The following XNDC1N variants were observed in gnomAD, a reference collection of about 807,000 sequenced individuals.
The protein encoded by XNDC1N is protein XNDC1N.
At chr11:71,899,870 C>A in the XNDC1N span, among the ~76,000 whole-genome samples, 675 of 147,300 alleles carry the variant, frequency 4.6e-3, no homozygotes, top group African/African-American at 0.015. Flanking sequence ...GAGGAAGGCC[C>A]CTGTCTCCTG....
chr11:71,890,401 G>C, the XNDC1N span, among the ~76,000 whole-genome samples: 1 of 152,050 alleles, frequency 6.6e-6, no homozygotes, highest in Admixed American at 6.5e-5. Flanking sequence ...CTGAGATATT[G>C]GGAGTGATAT....
chr11:71,913,983 A>T, the XNDC1N span, among the ~76,000 whole-genome samples: 1 of 152,238 alleles, frequency 6.6e-6, no homozygotes, highest in Non-Finnish European at 1.5e-5. Flanking sequence ...CTCAGAAAGA[A>T]AGATTCCTTT....
the XNDC1N span, chr11:71,918,861 G>C: frequency 1.4e-6 from 1 of 701,412 alleles, no homozygotes; most frequent in Admixed American, 2.0e-5. Flanking sequence ...CTTCCTCAAG[G>C]TTCCTAGGCC....
At chr11:71,878,297 TC>T in the XNDC1N span, among the ~76,000 whole-genome samples, 3 of 152,224 alleles carry the variant, frequency 2.0e-5, no homozygotes, top group African/African-American at 4.8e-5. Context: ...GCATGCTGTC[TC>T]CTGATATAAA....
the XNDC1N span, among the ~76,000 whole-genome samples, chr11:71,899,874 T>C: frequency 6.6e-6 from 1 of 152,062 alleles, no homozygotes; most frequent in Non-Finnish European, 1.5e-5. Context: ...AAGGCCCCTG[T>C]CTCCTGCCTG....
the XNDC1N span, among the ~76,000 whole-genome samples, chr11:71,898,474 G>A: frequency 6.6e-6 from 1 of 152,050 alleles, no homozygotes; most frequent in Non-Finnish European, 1.5e-5. Flanking sequence ...GGGCGTGATA[G>A]CGCACGCCTG....
At chr11:71,904,708 C>G in the XNDC1N span, among the ~76,000 whole-genome samples, 1 of 152,004 alleles carries the variant, frequency 6.6e-6, no homozygotes, top group Non-Finnish European at 1.5e-5. Flanking sequence ...ATGACACAGG[C>G]GGTTGACACA....
the XNDC1N span, among the ~76,000 whole-genome samples, chr11:71,870,394 G>A: frequency 2.6e-5 from 4 of 152,302 alleles, no homozygotes; most frequent in East Asian, 7.7e-4. Context: ...TGGGAAGCTG[G>A]TACCAGGCTC....
chr11:71,923,905 G>A, the XNDC1N span, among the ~76,000 whole-genome samples: 1 of 152,156 alleles, frequency 6.6e-6, no homozygotes, highest in African/African-American at 2.4e-5. Context: ...AGTGGTGGCA[G>A]GGAGTAGGTT....
the XNDC1N span, among the ~76,000 whole-genome samples, chr11:71,882,948 C>G: frequency 6.6e-6 from 1 of 152,010 alleles, no homozygotes; most frequent in Non-Finnish European, 1.5e-5. Flanking sequence ...GTTTCTATAG[C>G]ACTAACAGCA....
chr11:71,888,966 G>A, the XNDC1N span, among the ~76,000 whole-genome samples: 1 of 152,158 alleles, frequency 6.6e-6, no homozygotes, highest in Non-Finnish European at 1.5e-5. Flanking sequence ...GACCAGCCTT[G>A]GGCATCAGTA....
At chr11:71,914,090 C>T in the XNDC1N span, among the ~76,000 whole-genome samples, 4 of 152,208 alleles carry the variant, frequency 2.6e-5, no homozygotes, top group East Asian at 1.9e-4. Flanking sequence ...ACGAACGTAA[C>T]ATCCATTTTG....
At chr11:71,904,788 G>T in the XNDC1N span, among the ~76,000 whole-genome samples, 1 of 152,014 alleles carries the variant, frequency 6.6e-6, no homozygotes, top group African/African-American at 2.4e-5. Context: ...ATCACAGCAG[G>T]TGTACATATA....
At chr11:71,907,382 C>T in the XNDC1N span, among the ~76,000 whole-genome samples, 3 of 151,660 alleles carry the variant, frequency 2.0e-5, no homozygotes, top group Admixed American at 2.0e-4. Flanking sequence ...TAAGAGCCAG[C>T]CCCTCTTGCC....
chr11:71,884,115 T>C, the XNDC1N span, among the ~76,000 whole-genome samples: 1 of 152,220 alleles, frequency 6.6e-6, no homozygotes, highest in Admixed American at 6.5e-5. Context: ...TATGAATCTC[T>C]ACACCACCCC....
chr11:71,888,667 A>T, the XNDC1N span, among the ~76,000 whole-genome samples: 3 of 152,208 alleles, frequency 2.0e-5, no homozygotes, highest in Admixed American at 6.5e-5. Flanking sequence ...GGGCCTTGGC[A>T]GCAACTGCCC....
chr11:71,879,522 A>G, the XNDC1N span, among the ~76,000 whole-genome samples: 2 of 152,222 alleles, frequency 1.3e-5, no homozygotes, highest in African/African-American at 4.8e-5. Context: ...CCTCATTTAT[A>G]TAATACTTCA....
At chr11:71,904,035 C>G in the XNDC1N span, 1 of 523,222 alleles carries the variant, frequency 1.9e-6, no homozygotes, top group South Asian at 1.4e-5. Context: ...ACACGGTGGT[C>G]ACCCCCATGC....
At chr11:71,899,760 G>C in the XNDC1N span, among the ~76,000 whole-genome samples, 1 of 152,268 alleles carries the variant, frequency 6.6e-6, no homozygotes, top group African/African-American at 2.4e-5. Context: ...AAGTGGCCTC[G>C]TGGGAGGAGA....
Sources: gnomAD v4.1 joint callset for allele counts (sites outside exome capture counted in the v4.1 genomes callset) on GRCh38, gnomAD v4.1.1 for gene constraint, MANE v1.5 for transcripts, NCBI Gene and HGNC (gene_info 2026-07-23, HGNC 2026-07-21) for gene names.